ERC2: variants seen among roughly 807,000 people sequenced by gnomAD.
The protein encoded by ERC2 is ERC protein 2.
Under a neutral mutation model 114.8 loss-of-function variants are expected in ERC2, and 42 were observed. The ratio of observed to expected loss-of-function variants is 0.37; its 90% CI spans 0.29 to 0.47. The LOEUF is 0.47. Among genes scored for constraint, ERC2 ranks in the 20% least tolerant of loss-of-function variants. ERC2 has a pLI of 0.99. For synonymous variants in ERC2, 454 were observed against 425.5 expected, an observed-to-expected ratio of 1.07 and a Z score of -0.82; for missense variants, 939 against 1,150.7, an observed-to-expected ratio of 0.82 and a Z score of 2.66.
At chr3:55,841,519 A>T (rs538737777) in intron 14 of ERC2, among the ~76,000 whole-genome samples, 1 of 152,290 alleles carries the variant, frequency 6.6e-6, no homozygotes, top group African/African-American at 2.4e-5. Context: ...TGTCTTTATT[A>T]GCAGAGTGAC....
At chr3:56,170,300 G>C (rs1284992965) in intron 4 of ERC2, among the ~76,000 whole-genome samples, 1 of 152,192 alleles carries the variant, frequency 6.6e-6, no homozygotes, top group African/African-American at 2.4e-5. Context: ...CCCCCAGTTT[G>C]ATGCAGGCAG....
At position 55,683,979 on chromosome 3, in the gene ERC2, T is replaced by C. The variant is rs2062192663; in HGVS notation, c.2848-120A>G. The C allele has an allele frequency of 3.5e-6, 4 of 1,136,130 alleles. No homozygotes were observed. The East Asian group carries it at 7.8e-5, about 22-fold the overall frequency. The allele number at this position is 1,136,130 out of a possible 1,614,324, so 70.4% of individuals were successfully genotyped here. ...GCACACTAATCTTCACTTTGTTTTT[T>C]AATCTTCAAGACTGAAGAAAAAAAT... On this transcript the variant is annotated intron_variant, in intron 16 of 17. Transcript: ENST00000288221.
At chr3:56,411,247 T>C (rs1356209196) in intron 2 of ERC2, among the ~76,000 whole-genome samples, 1 of 151,554 alleles carries the variant, frequency 6.6e-6, no homozygotes, top group Admixed American at 6.6e-5. Context: ...AAAAATTATC[T>C]GTAAATAACA....
At chr3:56,110,083 A>C (rs1042412021) in intron 6 of ERC2, among the ~76,000 whole-genome samples, 10 of 152,334 alleles carry the variant, frequency 6.6e-5, no homozygotes, top group Admixed American at 1.3e-4. Context: ...AAATATACAC[A>C]GTAAACAAAG....
chr3:56,399,533 T>C (rs1026666537), intron 2 of ERC2, among the ~76,000 whole-genome samples: 6 of 152,170 alleles, frequency 3.9e-5, no homozygotes, highest in African/African-American at 1.4e-4. Flanking sequence ...ACTTCACTAA[T>C]AAATTAGAAC....
chr3:55,589,233 A>AAG (rs1553713952), intron 17 of ERC2, among the ~76,000 whole-genome samples: 14 of 148,480 alleles, frequency 9.4e-5, no homozygotes, highest in African/African-American at 1.3e-4. Context: ...AAAAAAAAAA[A>AAG]AGAGAGAGAG....
chr3:56,306,159 T>C (rs1366409285), intron 2 of ERC2, among the ~76,000 whole-genome samples: 1 of 152,114 alleles, frequency 6.6e-6, no homozygotes, highest in African/African-American at 2.4e-5. Flanking sequence ...TTATATATTG[T>C]CTATTGCTAC....
chr3:55,978,564 C>A (rs575139573), intron 12 of ERC2, among the ~76,000 whole-genome samples: 1 of 152,338 alleles, frequency 6.6e-6, no homozygotes, highest in African/African-American at 2.4e-5. Flanking sequence ...GCATGAAAAT[C>A]TTTGTCACAT....
At chr3:55,830,286 A>G (rs886770094) in intron 14 of ERC2, among the ~76,000 whole-genome samples, 56 of 152,238 alleles carry the variant, frequency 3.7e-4, no homozygotes, top group Non-Finnish European at 5.9e-5. Context: ...GCAAATTCAG[A>G]GAATTTATCA....
chr3:55,628,874 T>C (rs2148619985), intron 17 of ERC2, among the ~76,000 whole-genome samples: 2 of 152,336 alleles, frequency 1.3e-5, no homozygotes, highest in Middle Eastern at 3.4e-3. Context: ...GAATTCCTCC[T>C]TGGGACTGAA....
At chr3:55,553,031 T>G (rs867327426) in intron 17 of ERC2, among the ~76,000 whole-genome samples, 5,341 of 115,074 alleles carry the variant, frequency 0.046, 555 homozygotes, top group African/African-American at 0.12. Context: ...TTTTTTTTTT[T>G]TTTTTTTTGA....
At chr3:55,528,378 T>G (rs1368280550) in intron 17 of ERC2, among the ~76,000 whole-genome samples, 1 of 152,196 alleles carries the variant, frequency 6.6e-6, no homozygotes, top group East Asian at 1.9e-4. Context: ...CTGCCTATTA[T>G]CTTGGCAAAG....
chr3:56,171,004 T>C (rs1320230955), intron 4 of ERC2, among the ~76,000 whole-genome samples: 2 of 152,084 alleles, frequency 1.3e-5, no homozygotes, highest in African/African-American at 4.8e-5. Context: ...GACCTCATGA[T>C]CCGCCTGCCT....
At chr3:56,309,963 G>T (rs541024715) in intron 2 of ERC2, among the ~76,000 whole-genome samples, 29 of 152,200 alleles carry the variant, frequency 1.9e-4, no homozygotes, top group African/African-American at 7.0e-4. Flanking sequence ...TAAGCGCTTT[G>T]GCATTTTTTT....
intron 14 of ERC2, among the ~76,000 whole-genome samples, chr3:55,849,204 C>T (rs7617962): frequency 0.36 from 55,400 of 151,976 alleles, 12,783 homozygotes; most frequent in African/African-American, 0.65. Flanking sequence ...ATAAGAGTCC[C>T]GGACCACCAT....
chr3:56,389,863 G>C (rs556062116), intron 2 of ERC2, among the ~76,000 whole-genome samples: 32 of 152,040 alleles, frequency 2.1e-4, no homozygotes, highest in Non-Finnish European at 4.3e-4. Flanking sequence ...AACTAGGAAG[G>C]GTAGGCCCAT....
chr3:55,802,911 TC>T (rs2059357894), intron 14 of ERC2, among the ~76,000 whole-genome samples: 1 of 152,222 alleles, frequency 6.6e-6, no homozygotes, highest in Admixed American at 6.5e-5. Context: ...CATGCCAGCT[TC>T]AGTGTTCTGG....
At chr3:55,794,585 T>C (rs1559665383) in intron 14 of ERC2, among the ~76,000 whole-genome samples, 1 of 152,250 alleles carries the variant, frequency 6.6e-6, no homozygotes, top group Non-Finnish European at 1.5e-5. Flanking sequence ...TGTCAAAATA[T>C]GCTTTTTCTT....
chr3:55,735,394 T>C lies in ERC2; in HGVS notation c.2565-476A>G, dbSNP rs534587283. Among the ~76,000 whole-genome samples, 10 of 152,314 alleles carry C rather than the reference T, an allele frequency of 6.6e-5. No individual in the cohort carries two copies. The South Asian group carries it at 2.1e-3, about 32-fold the overall frequency. On this transcript the variant is annotated intron_variant, in intron 14 of 17. Transcript: ENST00000288221. The stretch of plus-strand genomic sequence containing the variant: ...GGTGGTAGCTTCCAGCAAGGGCTTT[T>C]GTACTAACATGGCAAGAAAAGTAGA...
Sources: gnomAD v4.1 joint callset for allele counts (sites outside exome capture counted in the v4.1 genomes callset) on GRCh38, gnomAD v4.1.1 for gene constraint, MANE v1.5 for transcripts, NCBI Gene and HGNC (gene_info 2026-07-23, HGNC 2026-07-21) for gene names.